Variants in CADPS observed in about 807,000 individuals in gnomAD.
CADPS encodes calcium dependent secretion activator.
A neutral mutation model predicts 167.3 loss-of-function variants in CADPS; 57 were observed. The ratio of observed to expected loss-of-function variants is 0.34; its 90% CI spans 0.28 to 0.42. The LOEUF is 0.42. Ranked by LOEUF, CADPS falls within the 20% of genes least tolerant of loss-of-function variation. The probability of loss-of-function intolerance (pLI) is 1.00; values close to 1 mark genes in which losing one functional copy is unlikely to be tolerated. For missense variants in CADPS, 1,414 were observed against 1,738.1 expected (o/e 0.81, Z 3.32); for synonymous variants, 676 against 635.3 (o/e 1.06, Z -0.96).
intron 1 of CADPS, among the ~76,000 whole-genome samples, chr3:62,839,572 C>A (rs191977447): frequency 6.6e-6 from 1 of 152,192 alleles, no homozygotes; most frequent in East Asian, 1.9e-4. Context: ...GGCTAGACCA[C>A]GAAGGGCCTG....
chr3:62,840,308 T>C (rs746562151), intron 1 of CADPS, among the ~76,000 whole-genome samples: 10 of 152,162 alleles, frequency 6.6e-5, no homozygotes, highest in Non-Finnish European at 1.2e-4. Context: ...GGGAAAGATA[T>C]ACAAATCCGA....
intron 13 of CADPS, among the ~76,000 whole-genome samples, chr3:62,531,480 G>T (rs1329361134): frequency 6.6e-6 from 1 of 152,120 alleles, no homozygotes; most frequent in African/African-American, 2.4e-5. Context: ...TCTAAATGTT[G>T]AAGTTGCATT....
chr3:62,512,122 C>T (rs988657220), intron 17 of CADPS, among the ~76,000 whole-genome samples: 2 of 151,888 alleles, frequency 1.3e-5, no homozygotes, highest in African/African-American at 4.8e-5. Context: ...AATGATGATC[C>T]CTATTCTAAT....
chr3:62,714,479 C>A (rs1455311164), intron 3 of CADPS, among the ~76,000 whole-genome samples: 2 of 152,070 alleles, frequency 1.3e-5, no homozygotes, highest in Non-Finnish European at 2.9e-5. Context: ...AATTACCACA[C>A]GGCTGTGATT....
intron 26 of CADPS, among the ~76,000 whole-genome samples, chr3:62,447,502 G>A (rs2149995021): frequency 6.6e-6 from 1 of 152,170 alleles, no homozygotes; most frequent in Non-Finnish European, 1.5e-5. Context: ...AGGCTATCTT[G>A]GTCTTGCTCA....
chr3:62,856,696 T>G (rs1224032144), intron 1 of CADPS, among the ~76,000 whole-genome samples: 2 of 151,842 alleles, frequency 1.3e-5, no homozygotes, highest in African/African-American at 2.4e-5. Flanking sequence ...ATTAATAATA[T>G]TAATACAATA....
intron 1 of CADPS, among the ~76,000 whole-genome samples, chr3:62,834,003 T>A (rs2075530745): frequency 6.6e-6 from 1 of 152,182 alleles, no homozygotes; most frequent in Non-Finnish European, 1.5e-5. Context: ...CTTCCTGATG[T>A]GATTATAATG....
chr3:62,834,460 A>G (rs1469331863), intron 1 of CADPS, among the ~76,000 whole-genome samples: 1 of 152,174 alleles, frequency 6.6e-6, no homozygotes, highest in Non-Finnish European at 1.5e-5. Context: ...TGATAAACTG[A>G]GGCAAGAACG....
chr3:62,464,630 C>T (rs2059738803), intron 26 of CADPS, among the ~76,000 whole-genome samples: 2 of 152,108 alleles, frequency 1.3e-5, no homozygotes, highest in Admixed American at 1.3e-4. Flanking sequence ...ACTTAGCTAC[C>T]TCATTTCTAT....
chr3:62,682,297 A>G (rs1198681481), intron 3 of CADPS, among the ~76,000 whole-genome samples: 19 of 151,842 alleles, frequency 1.3e-4, no homozygotes, highest in Admixed American at 6.6e-4. Context: ...AGCACAGGGA[A>G]TCTACACCCC....
intron 22 of CADPS, among the ~76,000 whole-genome samples, chr3:62,479,998 T>C (rs1021534701): frequency 6.6e-6 from 1 of 152,198 alleles, no homozygotes; most frequent in African/African-American, 2.4e-5. Context: ...ATAATTGGTA[T>C]TTATTACAAC....
intron 3 of CADPS, among the ~76,000 whole-genome samples, chr3:62,691,138 A>G (rs1230973906): frequency 6.6e-6 from 1 of 152,010 alleles, no homozygotes; most frequent in Admixed American, 6.6e-5. Flanking sequence ...ATGGAGACTG[A>G]AAAGATCGGT....
At chr3:62,589,414 A>T (rs2085422618) in intron 7 of CADPS, among the ~76,000 whole-genome samples, 1 of 152,222 alleles carries the variant, frequency 6.6e-6, no homozygotes, top group Non-Finnish European at 1.5e-5. Flanking sequence ...TGAAGAAGAG[A>T]ATGAACCATT....
rs1276552724 is a variant in CADPS, at chr3:62,514,410, A to G, written c.2582-1642T>C. On this transcript the variant is annotated intron_variant, in intron 16 of 29. Transcript: ENST00000383710. The surrounding 1 kb of genome is among the most constrained non-coding windows in gnomAD (Gnocchi z 4.2). ...CTGAGCCAATCACGGACAAGGAAGG[A>G]GAGAAGCGGAAGAGAGCAGGTAGTG... is the stretch of plus-strand genomic sequence containing the variant. 6.6e-6 allele frequency among the ~76,000 whole-genome samples: 1 copy of G among 152,084 alleles called. No individual in the cohort carries two copies. The highest frequency in any genetic ancestry group is 2.4e-5 in the African/African-American group (1 of 41,430).
chr3:62,666,536 T>G (rs566294070), intron 3 of CADPS, among the ~76,000 whole-genome samples: 6 of 152,230 alleles, frequency 3.9e-5, no homozygotes, highest in African/African-American at 1.2e-4. Flanking sequence ...TGGCAGATCA[T>G]TAGGGTTCAA....
intron 27 of CADPS, among the ~76,000 whole-genome samples, chr3:62,445,026 C>T (rs554218867): frequency 6.6e-6 from 1 of 152,146 alleles, no homozygotes; most frequent in Non-Finnish European, 1.5e-5. Flanking sequence ...ATATTAAAAT[C>T]TCTCCAATTT....
chr3:62,459,127 A>T (rs1400322630), intron 26 of CADPS, among the ~76,000 whole-genome samples: 2 of 152,216 alleles, frequency 1.3e-5, no homozygotes, highest in Non-Finnish European at 2.9e-5. Flanking sequence ...AAGATATAGC[A>T]GATCAGTGTT....
chr3:62,741,638 C>T (rs1376548555), intron 3 of CADPS, among the ~76,000 whole-genome samples: 3 of 152,178 alleles, frequency 2.0e-5, no homozygotes, highest in Non-Finnish European at 4.4e-5. Context: ...ATAATAAGAG[C>T]TGTCTATGAC....
At chr3:62,579,762 G>A (rs941837953) in intron 8 of CADPS, among the ~76,000 whole-genome samples, 3 of 152,130 alleles carry the variant, frequency 2.0e-5, no homozygotes, top group Non-Finnish European at 4.4e-5. Context: ...ATGAGATGGG[G>A]AATCATTGGA....
Sources: allele counts gnomAD v4.1 joint callset (sites outside exome capture counted in the v4.1 genomes callset), GRCh38; gene constraint gnomAD v4.1.1; non-coding constraint Gnocchi (gnomAD v3.1); transcripts MANE v1.5; gene names NCBI Gene and HGNC (gene_info 2026-07-23, HGNC 2026-07-21).